Variants in RNF150 observed in about 807,000 individuals in gnomAD.
RNF150 encodes ring finger protein 150.
RNF150 carries 24 observed loss-of-function variants against 39.3 expected under a neutral mutation model. That is an observed-to-expected ratio of 0.61 (90% confidence interval 0.44 to 0.86). The LOEUF is 0.86. RNF150 is among the 40% of genes least tolerant of loss of function. The probability of loss-of-function intolerance (pLI) is 0.00; values close to 1 mark genes in which losing one functional copy is unlikely to be tolerated. For missense variants in RNF150, 502 were observed against 587.8 expected (o/e 0.85, Z 1.51); for synonymous variants, 255 against 227.3 (o/e 1.12, Z -1.10).
chr4:141,001,887 G>A (rs1734678746), intron 1 of RNF150, among the ~76,000 whole-genome samples: 4 of 151,968 alleles, frequency 2.6e-5, no homozygotes, highest in African/African-American at 7.2e-5. Flanking sequence ...ACTTGTATAC[G>A]CTTATTAGTA....
intron 1 of RNF150, among the ~76,000 whole-genome samples, chr4:141,100,645 T>A (rs904849419): frequency 6.6e-6 from 1 of 152,184 alleles, no homozygotes; most frequent in Non-Finnish European, 1.5e-5. Flanking sequence ...CAAAGAGGCA[T>A]GCTAGGGAAG....
At chr4:141,171,204 C>T (rs1431134990) in intron 1 of RNF150, among the ~76,000 whole-genome samples, 7 of 152,112 alleles carry the variant, frequency 4.6e-5, no homozygotes, top group Non-Finnish European at 8.8e-5. Context: ...CTTTCCTCGC[C>T]AGCCCACACT....
At position 140,916,585 on chromosome 4, in the gene RNF150, C is replaced by T. The variant is rs918409136; in HGVS notation, c.988-5231G>A. On this transcript the variant is annotated intron_variant, in intron 5 of 6. Transcript: ENST00000515673. ...GTCTAATTGGTGTACCTGAAAGTGACGGGGAGAATGGAATCAAGTTGGAAA... is the reference window on the plus strand; with the variant it reads ...GTCTAATTGGTGTACCTGAAAGTGATGGGGAGAATGGAATCAAGTTGGAAA... Among the ~76,000 whole-genome samples, 10 of 152,262 alleles carry T rather than the reference C, an allele frequency of 6.6e-5. No individual in the cohort carries two copies. In the East Asian group the frequency reaches 1.2e-3, roughly 18 times the overall value.
chr4:140,878,783 TG>T (rs1729268544), intron 6 of RNF150, among the ~76,000 whole-genome samples: 1 of 152,250 alleles, frequency 6.6e-6, no homozygotes, highest in Non-Finnish European at 1.5e-5. Flanking sequence ...TTTTTGTTTT[TG>T]TTGCCTGTGC....
chr4:141,053,727 T>TAA (rs1401729563), intron 1 of RNF150: 1 of 1,388,576 alleles, frequency 7.2e-7, no homozygotes, highest in Admixed American at 3.0e-5. Context: ...GAGAAGACAT[T>TAA]AAACCTGTGA....
At chr4:140,880,645 T>G (rs77385781) in intron 6 of RNF150, among the ~76,000 whole-genome samples, 57 of 151,552 alleles carry the variant, frequency 3.8e-4, no homozygotes, top group African/African-American at 4.8e-4. Context: ...CTGGGTTTTT[T>G]TTTGTTTGTT....
At chr4:140,975,844 C>G (rs1230240973) in intron 1 of RNF150, among the ~76,000 whole-genome samples, 1 of 152,200 alleles carries the variant, frequency 6.6e-6, no homozygotes, top group Admixed American at 6.5e-5. Flanking sequence ...ACCCTCCTCT[C>G]AGATGACCCC....
chr4:140,862,774 C>T lies in RNF150; in HGVS notation c.*5487G>A, dbSNP rs1023551950. Reference sequence around the variant, plus strand: ...ATGAGTATTTAATTCCTTAAAAATACAAACTCCCCAAAACCCAGGTCAGCT... The same window carrying T: ...ATGAGTATTTAATTCCTTAAAAATATAAACTCCCCAAAACCCAGGTCAGCT... On this transcript the variant is annotated 3_prime_UTR_variant, in exon 7 of 7. Coordinates refer to ENST00000515673, the MANE Select transcript of RNF150 (RefSeq NM_020724.2). 5 of 152,166 alleles carry T rather than the reference C, an allele frequency of 3.3e-5. No homozygotes were observed. The highest frequency in any genetic ancestry group is 1.2e-4 in the African/African-American group (5 of 41,440). The allele number at this position is 152,166 out of a possible 1,614,324, so 9.4% of individuals were successfully genotyped here. A position where few individuals can be genotyped will look rare whatever the true frequency, so the allele number is the denominator to read the frequency against.
intron 6 of RNF150, among the ~76,000 whole-genome samples, chr4:140,904,520 T>G (rs1730306416): frequency 6.6e-6 from 1 of 152,142 alleles, no homozygotes; most frequent in African/African-American, 2.4e-5. Context: ...TTAATGCAAA[T>G]CAAAAAAGCA....
rs148666294 is a variant in RNF150, at chr4:140,956,022, A to G, written c.736-6650T>C. On this transcript the variant is annotated intron_variant, in intron 2 of 6. Coordinates refer to ENST00000515673, the MANE Select transcript of RNF150 (RefSeq NM_020724.2). ...ATAAAAACAAAGCAAATCAAAACAGATCTGGTTTCCCTGGATTAGCCTCAA... is the reference window on the plus strand; with the variant it reads ...ATAAAAACAAAGCAAATCAAAACAGGTCTGGTTTCCCTGGATTAGCCTCAA... Among the ~76,000 whole-genome samples, 27 of 152,294 alleles carry G rather than the reference A, an allele frequency of 1.8e-4. No homozygotes were observed. In the East Asian group the frequency reaches 5.0e-3, roughly 28 times the overall value.
intron 5 of RNF150, among the ~76,000 whole-genome samples, chr4:140,915,134 T>G (rs1470009031): frequency 4.6e-5 from 7 of 152,162 alleles, no homozygotes; most frequent in Non-Finnish European, 8.8e-5. Flanking sequence ...CCATAGACAT[T>G]TATTGAGCCC....
At chr4:141,208,151 C>A (rs573446070) in intron 1 of RNF150, among the ~76,000 whole-genome samples, 2 of 152,206 alleles carry the variant, frequency 1.3e-5, no homozygotes, top group Non-Finnish European at 2.9e-5. Flanking sequence ...CCTTGCCCTG[C>A]GGGAAGAAGA....
intron 6 of RNF150, among the ~76,000 whole-genome samples, chr4:140,904,448 T>C (rs918847243): frequency 2.6e-5 from 4 of 152,224 alleles, no homozygotes; most frequent in Non-Finnish European, 4.4e-5. Flanking sequence ...ATCATTCTCC[T>C]GGTTGGTTCC....
At chr4:140,954,027 T>A (rs914663139) in intron 2 of RNF150, among the ~76,000 whole-genome samples, 1 of 152,128 alleles carries the variant, frequency 6.6e-6, no homozygotes, top group African/African-American at 2.4e-5. Context: ...ACAGACTCTT[T>A]CCTTTGCCAT....
At chr4:140,962,092 C>T (rs1026455093) in intron 2 of RNF150, among the ~76,000 whole-genome samples, 3 of 151,054 alleles carry the variant, frequency 2.0e-5, no homozygotes, top group African/African-American at 7.3e-5. Flanking sequence ...CTCTCTCTCT[C>T]TCTACACACA....
chr4:140,918,392 A>G (rs938589617), intron 5 of RNF150, among the ~76,000 whole-genome samples: 5 of 152,226 alleles, frequency 3.3e-5, no homozygotes, highest in African/African-American at 1.2e-4. Flanking sequence ...ACCATCAGAG[A>G]ATAGTACAAA....
At chr4:141,179,310 T>C (rs989584485) in intron 1 of RNF150, among the ~76,000 whole-genome samples, 6 of 152,240 alleles carry the variant, frequency 3.9e-5, no homozygotes, top group Non-Finnish European at 5.9e-5. Context: ...CAACTTTCTA[T>C]TGGCTTTATT....
intron 1 of RNF150, among the ~76,000 whole-genome samples, chr4:141,023,258 GT>G (rs1315909617): frequency 6.7e-6 from 1 of 149,468 alleles, no homozygotes; most frequent in African/African-American, 2.5e-5. Context: ...TGATGATGAT[GT>G]TTGAGTGATG....
chr4:141,071,289 G>A (rs1578694953), intron 1 of RNF150, among the ~76,000 whole-genome samples: 3 of 149,630 alleles, frequency 2.0e-5, no homozygotes, highest in East Asian at 4.0e-4. Flanking sequence ...GCTAGATGAC[G>A]AGTTGGTGGG....
Sources: allele counts gnomAD v4.1 joint callset (sites outside exome capture counted in the v4.1 genomes callset), GRCh38; gene constraint gnomAD v4.1.1; transcripts MANE v1.5; gene names NCBI Gene and HGNC (gene_info 2026-07-23, HGNC 2026-07-21).